The following MTUS2 variants were observed in gnomAD, a reference collection of about 807,000 sequenced individuals.
MTUS2 encodes microtubule associated scaffold protein 2, also known as microtubule-associated tumor suppressor candidate 2.
In MTUS2, 40 loss-of-function variants were observed where a neutral mutation model predicts 114.1. That is an observed-to-expected ratio of 0.35 (90% CI 0.27 to 0.46). MTUS2 has a LOEUF of 0.46. Among genes scored for constraint, MTUS2 ranks in the 20% least tolerant of loss-of-function variants. The pLI is 1.00. For synonymous variants in MTUS2, 688 were observed against 672.0 expected (o/e 1.02, Z -0.37); for missense variants, 1,679 against 1,705.4 (o/e 0.98, Z 0.27).
At chr13:29,398,915 A>C (rs1392580225) in intron 8 of MTUS2, among the ~76,000 whole-genome samples, 1 of 152,174 alleles carries the variant, frequency 6.6e-6, no homozygotes, top group Non-Finnish European at 1.5e-5. Context: ...GAAGTATTAC[A>C]GGAAAGGGGT....
intron 4 of MTUS2, among the ~76,000 whole-genome samples, chr13:29,046,417 G>T (rs1336442735): frequency 1.3e-5 from 2 of 152,150 alleles, no homozygotes; most frequent in Non-Finnish European, 2.9e-5. Context: ...GCTGTGTCTG[G>T]CCTTAGTTAG....
intron 2 of MTUS2, among the ~76,000 whole-genome samples, chr13:28,921,496 G>A (rs1213961201): frequency 1.3e-5 from 2 of 152,132 alleles, no homozygotes; most frequent in African/African-American, 2.4e-5. Flanking sequence ...TGGAGTTGAG[G>A]GAGGGGTGGT....
intron 5 of MTUS2, among the ~76,000 whole-genome samples, chr13:29,267,828 A>G (rs561087914): frequency 2.2e-4 from 34 of 152,306 alleles, no homozygotes. Flanking sequence ...TGAATGAGAA[A>G]GAAAGGGTGG....
At chr13:28,914,257 C>T (rs1037783306) in intron 2 of MTUS2, among the ~76,000 whole-genome samples, 2 of 152,144 alleles carry the variant, frequency 1.3e-5, no homozygotes, top group Admixed American at 1.3e-4. Context: ...CCTCTTAACA[C>T]TGCTTTAGCT....
intron 6 of MTUS2, among the ~76,000 whole-genome samples, chr13:29,310,150 G>A (rs1164720909): frequency 1.3e-5 from 2 of 152,028 alleles, no homozygotes; most frequent in East Asian, 1.9e-4. Flanking sequence ...TATGCTAAGC[G>A]CTCTTAATCC....
chr13:29,356,823 C>T (rs4547205), intron 7 of MTUS2, among the ~76,000 whole-genome samples: 81,301 of 152,048 alleles, frequency 0.53, 24,991 homozygotes, highest in East Asian at 0.76. Context: ...AGCACTGGTG[C>T]CGGAGCCTTG....
At chr13:29,082,979 T>G (rs943147293) in intron 4 of MTUS2, among the ~76,000 whole-genome samples, 1 of 152,052 alleles carries the variant, frequency 6.6e-6, no homozygotes, top group African/African-American at 2.4e-5. Context: ...TAGAGGCGGT[T>G]GTTGGAGGGA....
chr13:29,392,814 A>G (rs900076946), intron 8 of MTUS2, among the ~76,000 whole-genome samples: 26 of 152,212 alleles, frequency 1.7e-4, no homozygotes, highest in Non-Finnish European at 8.8e-5. Flanking sequence ...TGGTGATATC[A>G]CACAGCAATG....
At chr13:29,373,843 A>G (rs1871373647) in intron 8 of MTUS2, among the ~76,000 whole-genome samples, 1 of 152,248 alleles carries the variant, frequency 6.6e-6, no homozygotes, top group African/African-American at 2.4e-5. Context: ...TTAGCATACA[A>G]AGAATCAGGA....
chr13:28,899,631 C>T (rs113180918), intron 2 of MTUS2, among the ~76,000 whole-genome samples: 3,724 of 152,130 alleles, frequency 0.024, 149 homozygotes, highest in African/African-American at 0.083. Context: ...AGGATGGTCC[C>T]GATCTCCTGA....
At chr13:28,865,559 G>A (rs551870488) in intron 2 of MTUS2, among the ~76,000 whole-genome samples, 1 of 152,300 alleles carries the variant, frequency 6.6e-6, no homozygotes, top group Non-Finnish European at 1.5e-5. Flanking sequence ...GCCGAGCTTA[G>A]TTATGCAAAT....
intron 5 of MTUS2, among the ~76,000 whole-genome samples, chr13:29,174,191 A>G (rs1399469694): frequency 2.0e-5 from 3 of 152,158 alleles, no homozygotes; most frequent in South Asian, 4.1e-4. Flanking sequence ...CTAGAAATAC[A>G]ATGATATGCC....
intron 9 of MTUS2, among the ~76,000 whole-genome samples, chr13:29,442,782 G>T (rs745454230): frequency 1.3e-5 from 2 of 152,224 alleles, no homozygotes; most frequent in African/African-American, 2.4e-5. Context: ...CTCAGTGGCC[G>T]AGAGACTTGA....
At chr13:29,371,834 A>G (rs1306710898) in intron 8 of MTUS2, among the ~76,000 whole-genome samples, 1 of 152,158 alleles carries the variant, frequency 6.6e-6, no homozygotes, top group Admixed American at 6.5e-5. Flanking sequence ...CATAGGTCTC[A>G]TGATCAATAA....
chr13:29,446,878 C>T (rs980915215), intron 9 of MTUS2, among the ~76,000 whole-genome samples: 10 of 147,700 alleles, frequency 6.8e-5, no homozygotes, highest in African/African-American at 1.6e-4. Flanking sequence ...TGGTTTAGGA[C>T]GGAGCTTTTA....
At chr13:29,235,537 T>C (rs1347726044) in intron 5 of MTUS2, among the ~76,000 whole-genome samples, 1 of 152,250 alleles carries the variant, frequency 6.6e-6, no homozygotes, top group Non-Finnish European at 1.5e-5. Flanking sequence ...TAGTATTTGT[T>C]AATCTTAATG....
intron 5 of MTUS2, among the ~76,000 whole-genome samples, chr13:29,236,196 C>T (rs1054195292): frequency 4.6e-5 from 7 of 152,086 alleles, no homozygotes; most frequent in South Asian, 2.1e-4. Context: ...ATTCAATTGC[C>T]GGGGGCAATT....
chr13:29,022,028 C>T (rs1886314021), intron 2 of MTUS2, among the ~76,000 whole-genome samples: 1 of 152,058 alleles, frequency 6.6e-6, no homozygotes, highest in Non-Finnish European at 1.5e-5. Context: ...AACAGAAGAG[C>T]AGTGTGGTAC....
chr13:29,373,409 G>A (rs539233348), intron 8 of MTUS2, among the ~76,000 whole-genome samples: 12 of 152,256 alleles, frequency 7.9e-5, no homozygotes, highest in East Asian at 1.9e-4. Flanking sequence ...TTTTTGGCTC[G>A]AGGACTAACA....
Sources: allele counts gnomAD v4.1 joint callset (sites outside exome capture counted in the v4.1 genomes callset), GRCh38; gene constraint gnomAD v4.1.1; transcripts MANE v1.5; gene names NCBI Gene and HGNC (gene_info 2026-07-23, HGNC 2026-07-21).